Variants in ITGBL1 observed in about 807,000 individuals in gnomAD.
ITGBL1 encodes the protein integrin beta-like protein 1.
A neutral mutation model predicts 68.5 loss-of-function variants in ITGBL1; 51 were observed. The ratio of observed to expected loss-of-function variants is 0.74; its 90% confidence interval spans 0.59 to 0.94. The LOEUF (loss-of-function observed/expected upper bound fraction) is 0.94. Ranked by LOEUF, ITGBL1 falls within the 40% of genes least tolerant of loss-of-function variation. ITGBL1 has a pLI of 0.00. For missense variants in ITGBL1, 649 were observed against 647.4 expected, an observed-to-expected ratio of 1.00 and a Z score of -0.03; for synonymous variants, 209 against 227.3, an observed-to-expected ratio of 0.92 and a Z score of 0.72.
intron 7 of ITGBL1, among the ~76,000 whole-genome samples, chr13:101,672,573 G>A (rs889661801): frequency 3.3e-5 from 5 of 151,990 alleles, no homozygotes; most frequent in Non-Finnish European, 5.9e-5. Flanking sequence ...AGGGTGGGGC[G>A]ACCAGCCTTC....
intron 5 of ITGBL1, among the ~76,000 whole-genome samples, chr13:101,580,044 G>A (rs1594902449): frequency 6.6e-6 from 1 of 152,118 alleles, no homozygotes. Flanking sequence ...AACTTTTGAT[G>A]TAAAATCAAA....
chr13:101,589,505 G>GT (rs1185030158), intron 6 of ITGBL1, among the ~76,000 whole-genome samples: 2 of 152,094 alleles, frequency 1.3e-5, no homozygotes, highest in African/African-American at 2.4e-5. Context: ...GCTTGAACTT[G>GT]TTCAATTAAT....
At chr13:101,596,426 C>G (rs959694708) in intron 6 of ITGBL1, among the ~76,000 whole-genome samples, 3 of 151,878 alleles carry the variant, frequency 2.0e-5, no homozygotes, top group Admixed American at 2.0e-4. Context: ...CTTAGATATT[C>G]CCACTGCACA....
At chr13:101,706,497 TG>T (rs777010418) in intron 8 of ITGBL1, among the ~76,000 whole-genome samples, 3 of 152,188 alleles carry the variant, frequency 2.0e-5, no homozygotes, top group Non-Finnish European at 4.4e-5. Context: ...TCAAGAAAGG[TG>T]GTATAATTCC....
At chr13:101,645,565 C>A (rs962633071) in intron 7 of ITGBL1, among the ~76,000 whole-genome samples, 1 of 152,068 alleles carries the variant, frequency 6.6e-6, no homozygotes, top group Admixed American at 6.5e-5. Flanking sequence ...ATTCTCATTG[C>A]TTTTTCTCTC....
chr13:101,663,224 G>A (rs1201024294), intron 7 of ITGBL1, among the ~76,000 whole-genome samples: 1 of 152,142 alleles, frequency 6.6e-6, no homozygotes, highest in Non-Finnish European at 1.5e-5. Flanking sequence ...ATAATACCAT[G>A]ATAGATGCTA....
Position 101,714,456 on chromosome 13 carries a change from A to G in ITGBL1, c.1298A>G (p.Lys433Arg). The G allele has an allele frequency of 1.9e-6, 3 of 1,607,040 alleles. No individual in the cohort carries two copies. The highest frequency in any genetic ancestry group is 2.6e-6 in the Non-Finnish European group (3 of 1,173,672). Residue 433 changes from lysine (K) to arginine (R), a missense_variant, in exon 10 of 11, where the codon AAG (lysine) becomes AGG (arginine). Transcript: ENST00000376180. ...CSGKGSCHCGKCICSAEEWYI... is the reference protein window; with the variant it reads ...CSGKGSCHCGRCICSAEEWYI... ...ATTTCAGGTTCTTGTCATTGTGGGAAGTGCATTTGTTCTGCTGAAGAGTGG... is the reference window on the plus strand; with the variant it reads ...ATTTCAGGTTCTTGTCATTGTGGGAGGTGCATTTGTTCTGCTGAAGAGTGG...
At chr13:101,494,962 G>A (rs554022048) in intron 2 of ITGBL1, among the ~76,000 whole-genome samples, 38 of 152,246 alleles carry the variant, frequency 2.5e-4, no homozygotes, top group African/African-American at 9.1e-4. Context: ...CCAAAGAATA[G>A]GAATGCGTTA....
intron 7 of ITGBL1, among the ~76,000 whole-genome samples, chr13:101,636,717 T>G (rs1396370076): frequency 6.6e-6 from 1 of 152,194 alleles, no homozygotes; most frequent in Non-Finnish European, 1.5e-5. Context: ...AAGAAAATAA[T>G]TATTCCTCAC....
At chr13:101,538,838 A>G (rs2049628182) in intron 2 of ITGBL1, among the ~76,000 whole-genome samples, 1 of 152,074 alleles carries the variant, frequency 6.6e-6, no homozygotes, top group African/African-American at 2.4e-5. Flanking sequence ...ATTATGTGAC[A>G]AACACTCTTA....
At chr13:101,530,273 G>T (rs1444093656) in intron 2 of ITGBL1, among the ~76,000 whole-genome samples, 1 of 151,730 alleles carries the variant, frequency 6.6e-6, no homozygotes, top group East Asian at 1.9e-4. Context: ...AGAGCGCGAG[G>T]GGAGAGAGAG....
chr13:101,700,261 C>A (rs919286260), intron 8 of ITGBL1, among the ~76,000 whole-genome samples: 1 of 152,176 alleles, frequency 6.6e-6, no homozygotes, highest in African/African-American at 2.4e-5. Flanking sequence ...AGTGCCCCTA[C>A]CCAATAAACA....
At chr13:101,510,846 G>A (rs1016293870) in intron 2 of ITGBL1, among the ~76,000 whole-genome samples, 1 of 151,888 alleles carries the variant, frequency 6.6e-6, no homozygotes, top group African/African-American at 2.4e-5. Context: ...GGGGTTATTT[G>A]TTTTATGCTT....
chr13:101,682,478 C>T (rs949620721), intron 7 of ITGBL1, among the ~76,000 whole-genome samples: 3 of 151,954 alleles, frequency 2.0e-5, no homozygotes, highest in African/African-American at 7.2e-5. Flanking sequence ...ACAAAGATTT[C>T]AGAAATGTCA....
rs1246597783 is a variant in ITGBL1, at chr13:101,715,664, G to A, written c.*10G>A. ...CTCAGAATATCCTTAACAATTACAT[G>A]AGAGAGGTCTGGATTCTTATTTTTT... On this transcript the variant is annotated 3_prime_UTR_variant, in exon 11 of 11. Coordinates refer to ENST00000376180, the MANE Select transcript of ITGBL1 (RefSeq NM_004791.3). 1.3e-6 allele frequency: 2 copies of A among 1,568,468 alleles called. No homozygotes were observed. Among genetic ancestry groups the A allele is most frequent in the African/African-American group, 1.4e-5 (1 of 73,982 alleles).
At chr13:101,528,256 G>A (rs1461352931) in intron 2 of ITGBL1, among the ~76,000 whole-genome samples, 1 of 150,594 alleles carries the variant, frequency 6.6e-6, no homozygotes, top group East Asian at 1.9e-4. Flanking sequence ...TCAATTTATT[G>A]GCATAGAGCT....
At chr13:101,688,916 T>C (rs2033816314) in intron 7 of ITGBL1, among the ~76,000 whole-genome samples, 1 of 152,070 alleles carries the variant, frequency 6.6e-6, no homozygotes, top group Non-Finnish European at 1.5e-5. Context: ...AACATTATGA[T>C]TGCCGGGCAT....
At chr13:101,639,253 A>G (rs536827645) in intron 7 of ITGBL1, among the ~76,000 whole-genome samples, 8 of 152,330 alleles carry the variant, frequency 5.3e-5, no homozygotes, top group African/African-American at 1.7e-4. Context: ...TAGATTTTCT[A>G]TACCATATTT....
chr13:101,455,000 C>T (rs1189150193), intron 2 of ITGBL1, among the ~76,000 whole-genome samples: 1 of 152,174 alleles, frequency 6.6e-6, no homozygotes, highest in African/African-American at 2.4e-5. Flanking sequence ...ACACCCTTAA[C>T]CTCTTTACCT....
Sources: gnomAD v4.1 joint callset for allele counts (sites outside exome capture counted in the v4.1 genomes callset) on GRCh38, gnomAD v4.1.1 for gene constraint, MANE v1.5 for transcripts, NCBI Gene and HGNC (gene_info 2026-07-23, HGNC 2026-07-21) for gene names.